CAST: variants seen among roughly 807,000 people sequenced by gnomAD.
CAST encodes the protein calpastatin, also known as MIR583 host.
Under a neutral mutation model 119.6 loss-of-function variants are expected in CAST, and 76 were observed. The observed-to-expected ratio is 0.64, with a 90% CI of 0.53 to 0.77. The LOEUF (loss-of-function observed/expected upper bound fraction) is 0.77. Ranked by LOEUF, CAST falls within the 30% of genes least tolerant of loss-of-function variation. The probability of loss-of-function intolerance (pLI) is 0.00; values close to 1 mark genes in which losing one functional copy is unlikely to be tolerated. For synonymous variants in CAST, 319 were observed against 331.6 expected, an observed-to-expected ratio of 0.96 and a Z score of 0.41; for missense variants, 953 against 946.5, an observed-to-expected ratio of 1.01 and a Z score of -0.09.
At chr5:96,462,327 A>G in the CAST span, among the ~76,000 whole-genome samples, 861 of 152,206 alleles carry the variant, frequency 5.7e-3, 9 homozygotes, top group Non-Finnish European at 7.9e-3. Flanking sequence ...TAGTCATTAA[A>G]TATTGTGGAG....
chr5:96,045,197 A>G, the CAST span, among the ~76,000 whole-genome samples: 32 of 152,264 alleles, frequency 2.1e-4, no homozygotes, highest in Admixed American at 1.8e-3. Flanking sequence ...TACTAAAAAG[A>G]CAAAAATTTG....
the CAST span, among the ~76,000 whole-genome samples, chr5:96,287,505 A>G: frequency 6.6e-6 from 1 of 152,176 alleles, no homozygotes; most frequent in Non-Finnish European, 1.5e-5. Flanking sequence ...AAATGAACCC[A>G]TAAAGAAAAT....
the CAST span, among the ~76,000 whole-genome samples, chr5:96,201,847 C>G: frequency 6.6e-6 from 1 of 151,942 alleles, no homozygotes; most frequent in Non-Finnish European, 1.5e-5. Flanking sequence ...CCCCAGGGCC[C>G]CATCTCCTAC....
At chr5:95,965,747 C>A in the CAST span, among the ~76,000 whole-genome samples, 2 of 152,164 alleles carry the variant, frequency 1.3e-5, no homozygotes, top group African/African-American at 4.8e-5. Context: ...TTGCCTTGGG[C>A]ACAATTGAAG....
chr5:95,988,077 C>T, the CAST span, among the ~76,000 whole-genome samples: 1 of 152,284 alleles, frequency 6.6e-6, no homozygotes, highest in East Asian at 1.9e-4. Flanking sequence ...TAGCTTTTGT[C>T]AGGTAAGTAG....
the CAST span, among the ~76,000 whole-genome samples, chr5:96,075,230 T>C: frequency 6.6e-6 from 1 of 152,186 alleles, no homozygotes; most frequent in African/African-American, 2.4e-5. Context: ...ATGCATCCCA[T>C]GAAATGATTC....
chr5:96,190,498 C>T, the CAST span, among the ~76,000 whole-genome samples: 1 of 152,166 alleles, frequency 6.6e-6, no homozygotes, highest in African/African-American at 2.4e-5. Flanking sequence ...CTTCTGCTGT[C>T]TCTGCTGCAG....
the CAST span, among the ~76,000 whole-genome samples, chr5:96,245,349 G>C: frequency 6.6e-6 from 1 of 152,208 alleles, no homozygotes; most frequent in Non-Finnish European, 1.5e-5. Flanking sequence ...TAATGGTTGT[G>C]TGGAAACTTT....
the CAST span, among the ~76,000 whole-genome samples, chr5:96,283,043 T>C: frequency 6.9e-6 from 1 of 144,264 alleles, no homozygotes; most frequent in African/African-American, 2.6e-5. Context: ...GGCAGGAGAA[T>C]GGCGTGAACC....
At chr5:96,727,668 T>C (rs1759528920) in intron 6 of CAST, 138 bp downstream of exon 6, 1 of 510,612 alleles carries the variant, frequency 2.0e-6, no homozygotes, top group Non-Finnish European at 3.5e-6. Context: ...CCCTTTTGAA[T>C]GGCTGTGTAC....
the CAST span, among the ~76,000 whole-genome samples, chr5:95,985,879 T>G: frequency 6.6e-6 from 1 of 152,202 alleles, no homozygotes; most frequent in African/African-American, 2.4e-5. Context: ...TGGAGATATT[T>G]GAAGTGGCTT....
At chr5:96,552,008 A>G (rs1030825586) in intron 1 of CAST, among the ~76,000 whole-genome samples, 1 of 152,166 alleles carries the variant, frequency 6.6e-6, no homozygotes, top group Admixed American at 6.6e-5. Flanking sequence ...AGACAGAACA[A>G]TGAGACAGAA....
chr5:96,410,517 A>G, the CAST span, among the ~76,000 whole-genome samples: 1 of 151,930 alleles, frequency 6.6e-6, no homozygotes, highest in Non-Finnish European at 1.5e-5. Flanking sequence ...GCTGTGTGTA[A>G]TGACAGGTTT....
chr5:96,569,059 T>C (rs1746527159), intron 1 of CAST, among the ~76,000 whole-genome samples: 1 of 152,236 alleles, frequency 6.6e-6, no homozygotes, highest in African/African-American at 2.4e-5. Flanking sequence ...CCTCCTCAGC[T>C]GTTGCTGTGA....
At chr5:96,034,657 A>G in the CAST span, among the ~76,000 whole-genome samples, 2 of 151,650 alleles carry the variant, frequency 1.3e-5, no homozygotes, top group Non-Finnish European at 2.9e-5. Context: ...GCATTTTTCA[A>G]GAATACAATA....
chr5:96,609,710 G>C (rs1205975363), intron 1 of CAST, among the ~76,000 whole-genome samples: 1 of 152,140 alleles, frequency 6.6e-6, no homozygotes, highest in Admixed American at 6.5e-5. Context: ...CAAAACCAGA[G>C]GATGATTATA....
chr5:96,632,923 G>A (rs888131172), intron 1 of CAST, among the ~76,000 whole-genome samples: 2 of 152,104 alleles, frequency 1.3e-5, no homozygotes, highest in Non-Finnish European at 2.9e-5. Flanking sequence ...TTGGAAATTT[G>A]ATAGGGATTG....
intron 29 of CAST, among the ~76,000 whole-genome samples, 178 bp downstream of exon 29, chr5:96,768,177 G>A (rs1374905041): frequency 1.3e-5 from 2 of 152,148 alleles, no homozygotes; most frequent in African/African-American, 4.8e-5. Flanking sequence ...TCTGCTTCCT[G>A]GGCTCAAGCA....
chr5:96,628,958 A>G (rs1380763016), intron 1 of CAST, among the ~76,000 whole-genome samples: 1 of 152,188 alleles, frequency 6.6e-6, no homozygotes, highest in Non-Finnish European at 1.5e-5. Context: ...CCAAAAGTTC[A>G]TGTGATGGAA....
Sources: gnomAD v4.1 joint callset for allele counts (sites outside exome capture counted in the v4.1 genomes callset) on GRCh38, gnomAD v4.1.1 for gene constraint, MANE v1.5 for transcripts, NCBI Gene and HGNC (gene_info 2026-07-23, HGNC 2026-07-21) for gene names.